The following GALNT14 variants were observed in gnomAD, a reference collection of about 807,000 sequenced individuals.
The protein encoded by GALNT14 is UDP-GalNAc:polypeptide N-acetylgalactosaminyltransferase 14.
GALNT14 carries 60 observed loss-of-function variants against 77.5 expected under a neutral mutation model. The ratio of observed to expected loss-of-function variants is 0.77; its 90% CI spans 0.63 to 0.96. The LOEUF (loss-of-function observed/expected upper bound fraction) is 0.96, where lower values mean the gene tolerates loss of function less well. Ranked by LOEUF, GALNT14 falls within the 40% of genes least tolerant of loss-of-function variation. GALNT14 has a pLI of 0.00. For missense variants in GALNT14, 710 were observed against 731.0 expected (o/e 0.97, Z 0.33); for synonymous variants, 280 against 281.7 (o/e 0.99, Z 0.06).
chr2:30,892,647 C>A, the GALNT14 span, among the ~76,000 whole-genome samples: 1 of 152,184 alleles, frequency 6.6e-6, no homozygotes, highest in Non-Finnish European at 1.5e-5. Context: ...GGCAAGCATG[C>A]CCATCATAAA....
chr2:30,975,718 A>G (rs1301173776), intron 2 of GALNT14, among the ~76,000 whole-genome samples: 1 of 152,232 alleles, frequency 6.6e-6, no homozygotes, highest in Non-Finnish European at 1.5e-5. Flanking sequence ...TAAAATTTCA[A>G]TGTTACTGCT....
chr2:30,936,838 A>T (rs1013293349), intron 9 of GALNT14, among the ~76,000 whole-genome samples: 1 of 152,208 alleles, frequency 6.6e-6, no homozygotes, highest in African/African-American at 2.4e-5. Context: ...GCATGCCATG[A>T]TCTGCAATGC....
chr2:31,100,008 C>T (rs556781685), intron 1 of GALNT14, among the ~76,000 whole-genome samples: 1 of 152,002 alleles, frequency 6.6e-6, no homozygotes, highest in East Asian at 1.9e-4. Flanking sequence ...AGCAATCTTT[C>T]CATTTGCTTC....
At chr2:31,129,556 G>C (rs1169340519) in intron 1 of GALNT14, 2 of 985,248 alleles carry the variant, frequency 2.0e-6, no homozygotes, top group Non-Finnish European at 2.4e-6. Context: ...CACAGACCAC[G>C]TGGCCTGATC....
chr2:31,113,258 A>G (rs1677929601), intron 1 of GALNT14, among the ~76,000 whole-genome samples: 1 of 152,208 alleles, frequency 6.6e-6, no homozygotes, highest in Admixed American at 6.6e-5. Flanking sequence ...AACTGCAGGG[A>G]GCCACTGAGA....
At chr2:31,083,577 A>T (rs751065042) in intron 1 of GALNT14, among the ~76,000 whole-genome samples, 1 of 151,994 alleles carries the variant, frequency 6.6e-6, no homozygotes, top group Non-Finnish European at 1.5e-5. Flanking sequence ...CCCAGTTTTA[A>T]CCTCCACCCT....
intron 1 of GALNT14, among the ~76,000 whole-genome samples, chr2:31,125,984 T>C (rs1678682614): frequency 6.6e-6 from 1 of 152,208 alleles, no homozygotes; most frequent in African/African-American, 2.4e-5. Flanking sequence ...CTCAAAAATG[T>C]GATACTTTGG....
chr2:31,115,718 G>A (rs906351772), intron 1 of GALNT14, among the ~76,000 whole-genome samples: 7 of 152,100 alleles, frequency 4.6e-5, no homozygotes, highest in African/African-American at 1.7e-4. Context: ...CTGCCCACAG[G>A]GTATGCAAGT....
chr2:30,997,219 C>T (rs1301723713), intron 1 of GALNT14, among the ~76,000 whole-genome samples: 5 of 152,136 alleles, frequency 3.3e-5, no homozygotes, highest in Non-Finnish European at 5.9e-5. Flanking sequence ...GAGAAAGACC[C>T]TGGGAGTTGG....
At chr2:31,115,207 T>C (rs1447937440) in intron 1 of GALNT14, among the ~76,000 whole-genome samples, 1 of 151,828 alleles carries the variant, frequency 6.6e-6, no homozygotes, top group Non-Finnish European at 1.5e-5. Context: ...GCTATCACCA[T>C]GCCATTATAC....
intron 1 of GALNT14, among the ~76,000 whole-genome samples, chr2:31,049,851 T>G (rs1363388403): frequency 6.6e-6 from 1 of 152,172 alleles, no homozygotes; most frequent in African/African-American, 2.4e-5. Flanking sequence ...TTAAAACAAT[T>G]TACAGCAGCC....
chr2:30,973,826 A>C (rs986330828), intron 2 of GALNT14, among the ~76,000 whole-genome samples: 1 of 152,226 alleles, frequency 6.6e-6, no homozygotes, highest in Non-Finnish European at 1.5e-5. Context: ...CTTTGGTTAC[A>C]GAAATCCTGT....
At chr2:30,929,255 T>C (rs1039292948) in intron 11 of GALNT14, 140 bp downstream of exon 11, 11 of 613,888 alleles carry the variant, frequency 1.8e-5, no homozygotes, top group Admixed American at 9.1e-5. Flanking sequence ...CTCTGAGGAA[T>C]AGGAAAGAAG....
intron 1 of GALNT14, among the ~76,000 whole-genome samples, chr2:31,100,398 T>C (rs929268405): frequency 9.9e-5 from 15 of 152,132 alleles, no homozygotes; most frequent in African/African-American, 3.6e-4. Flanking sequence ...TATTAATTTA[T>C]GTTTACTAAT....
chr2:31,029,037 T>C (rs1672247227), intron 1 of GALNT14, among the ~76,000 whole-genome samples: 1 of 152,084 alleles, frequency 6.6e-6, no homozygotes, highest in Non-Finnish European at 1.5e-5. Context: ...TGGGGGTTGC[T>C]CCCTGAGCCC....
intron 2 of GALNT14, among the ~76,000 whole-genome samples, chr2:30,979,916 G>C (rs545546844): frequency 8.5e-5 from 13 of 152,298 alleles, no homozygotes; most frequent in African/African-American, 3.1e-4. Flanking sequence ...CTGGCCCCCG[G>C]CTCTAAATCA....
the GALNT14 span, among the ~76,000 whole-genome samples, chr2:30,904,618 G>A: frequency 6.6e-6 from 1 of 152,252 alleles, no homozygotes; most frequent in South Asian, 2.1e-4. Context: ...CTGCAAGGCA[G>A]CAGCGAGGCT....
At chr2:30,977,874 A>G (rs1432745026) in intron 2 of GALNT14, among the ~76,000 whole-genome samples, 1 of 152,108 alleles carries the variant, frequency 6.6e-6, no homozygotes, top group Non-Finnish European at 1.5e-5. Flanking sequence ...ACCAAGCCTG[A>G]TCTACACCCC....
the GALNT14 span, among the ~76,000 whole-genome samples, chr2:30,904,997 G>A: frequency 2.6e-5 from 4 of 151,956 alleles, no homozygotes; most frequent in African/African-American, 7.3e-5. Context: ...TGCAGCTGAG[G>A]GTCCTGTCTG....
Sources: allele counts gnomAD v4.1 joint callset (sites outside exome capture counted in the v4.1 genomes callset), GRCh38; gene constraint gnomAD v4.1.1; transcripts MANE v1.5; gene names NCBI Gene and HGNC (gene_info 2026-07-23, HGNC 2026-07-21).